The following SUSD3 variants were observed in gnomAD, a reference collection of about 807,000 sequenced individuals.
The protein encoded by SUSD3 is sushi domain-containing protein 3.
A neutral mutation model predicts 20.6 loss-of-function variants in SUSD3; 18 were observed. That is an observed-to-expected ratio of 0.87 (90% CI 0.60 to 1.30). The LOEUF (loss-of-function observed/expected upper bound fraction) is 1.30. Ranked by LOEUF, SUSD3 falls within the 50% of genes most tolerant of loss-of-function variation. SUSD3 has a pLI of 0.00. For missense variants in SUSD3, 306 were observed against 346.9 expected (o/e 0.88, Z 0.94); for synonymous variants, 137 against 141.5 (o/e 0.97, Z 0.23).
chr9:93,064,776 C>T (rs1462804236), intron 1 of SUSD3, among the ~76,000 whole-genome samples: 4 of 152,164 alleles, frequency 2.6e-5, no homozygotes, highest in Admixed American at 2.6e-4. Flanking sequence ...TCATCCAGTC[C>T]TCGCCCCACC....
intron 1 of SUSD3, among the ~76,000 whole-genome samples, chr9:93,059,164 TC>T (rs1163959717): frequency 6.6e-6 from 1 of 150,426 alleles, no homozygotes; most frequent in African/African-American, 2.4e-5. Flanking sequence ...TCCGCGCCCC[TC>T]CCGGGGAAGT....
At chr9:93,076,975 A>G (rs1468465255) in intron 2 of SUSD3, among the ~76,000 whole-genome samples, 1 of 152,250 alleles carries the variant, frequency 6.6e-6, no homozygotes, top group East Asian at 1.9e-4. Context: ...ATCACTTCTT[A>G]TCTTCCACTG....
chr9:93,070,886 A>G (rs184473695), intron 1 of SUSD3, among the ~76,000 whole-genome samples: 7 of 152,154 alleles, frequency 4.6e-5, no homozygotes, highest in Admixed American at 4.6e-4. Context: ...TCCTTCTATT[A>G]TTATTGTTGC....
intron 1 of SUSD3, among the ~76,000 whole-genome samples, chr9:93,068,495 C>T (rs1480122383): frequency 6.6e-6 from 1 of 152,118 alleles, no homozygotes; most frequent in Non-Finnish European, 1.5e-5. Flanking sequence ...AAGGGTTTAC[C>T]TCTGCACTCT....
intron 4 of SUSD3, among the ~76,000 whole-genome samples, chr9:93,081,809 T>A (rs1296783310): frequency 2.0e-5 from 3 of 152,218 alleles, no homozygotes; most frequent in Non-Finnish European, 2.9e-5. Flanking sequence ...GCCTCCAGGC[T>A]ATCATTCCTT....
chr9:93,075,750 C>CCCCCCCCCCCCCCCCCCCCCCCCT, intron 1 of SUSD3, 34 bp from the exon 2 acceptor site: 1 of 230,194 alleles, frequency 4.3e-6, no homozygotes, highest in Non-Finnish European at 8.4e-6. Flanking sequence ...ACCCCCCCCC[C>CCCCCCCCCCCCCCCCCCCCCCCCT]CCCGCCATGC....
At position 93,084,862 on chromosome 9, in the gene SUSD3, T is replaced by C; in HGVS notation, c.*115T>C. Reference sequence around the variant, plus strand: ...ATGCGCCCAGCTCGAGACTGATGAGTGGAATCAGCTTCCAGGTGTAGGGAC... The same window carrying C: ...ATGCGCCCAGCTCGAGACTGATGAGCGGAATCAGCTTCCAGGTGTAGGGAC... On this transcript the variant is annotated 3_prime_UTR_variant, in exon 5 of 5. Transcript: ENST00000375472. 1.0e-6 allele frequency: 1 copy of C among 975,756 alleles called. No homozygotes were observed. The highest frequency in any genetic ancestry group is 2.0e-5 in the South Asian group (1 of 49,484). The allele number at this position is 975,756 out of a possible 1,614,324, so 60.4% of individuals were successfully genotyped here.
chr9:93,079,709 A>G, intron 4 of SUSD3, 107 bp downstream of exon 4: 1 of 1,202,164 alleles, frequency 8.3e-7, no homozygotes, highest in Non-Finnish European at 1.2e-6. Flanking sequence ...CTGCTCCCAC[A>G]CGCCTAGCCC....
intron 4 of SUSD3, 28 bp from the exon 5 acceptor site, chr9:93,084,509 T>C (rs1314834399): frequency 6.5e-7 from 1 of 1,547,324 alleles, no homozygotes; most frequent in East Asian, 2.4e-5. Context: ...CACACTCTTT[T>C]GCCAACTCAT....
chr9:93,065,016 C>T (rs1443702553), intron 1 of SUSD3, among the ~76,000 whole-genome samples: 2 of 152,194 alleles, frequency 1.3e-5, no homozygotes, highest in African/African-American at 4.8e-5. Context: ...TAGGGATCAG[C>T]CCAGTGCCCA....
At chr9:93,082,905 G>A (rs899072759) in intron 4 of SUSD3, among the ~76,000 whole-genome samples, 2 of 152,228 alleles carry the variant, frequency 1.3e-5, no homozygotes, top group Non-Finnish European at 2.9e-5. Context: ...TGATGCCGAG[G>A]GGCTCCCAGG....
chr9:93,082,805 G>A (rs1826473809), intron 4 of SUSD3, among the ~76,000 whole-genome samples: 2 of 152,200 alleles, frequency 1.3e-5, no homozygotes, highest in Non-Finnish European at 2.9e-5. Flanking sequence ...AATGGGGGAA[G>A]GAACAATTGC....
rs2118974092 is a variant in SUSD3, at chr9:93,075,756, CATGCCTCATACCTGCCTGT to C, written c.89-27_89-9del. ...TGCGTGCCCACCCCCCCCCCCCCGC[CATGCCTCATACCTGCCTGT>C]CTCCCCAGGCACGTGCGCTAAGCTG... On this transcript the variant is annotated splice_polypyrimidine_tract_variant and intron_variant, in intron 1 of 4. Coordinates refer to ENST00000375472, the MANE Select transcript of SUSD3 (RefSeq NM_145006.4). 14 of 539,968 alleles carry C rather than the reference CATGCCTCATACCTGCCTGT, an allele frequency of 2.6e-5. No homozygotes were observed. The highest frequency in any genetic ancestry group is 6.8e-4 in the Middle Eastern group (1 of 1,476). 33.4% of individuals were successfully genotyped at this position (539,968 alleles called of 1,614,324 possible).
chr9:93,075,940 C>A lies in SUSD3; in HGVS notation c.245C>A (p.Ala82Asp). ...ACCTGCACCTGGAAGGGGAGCATCG[C>A]TGAGTGGTCTTCAGGGTCCCCAGTG... ...LLTCTWKGSI[A>D]EWSSGSPVCK... is the part of the protein sequence containing the mutation. Residue 82 changes from alanine (A) to aspartate (D), a missense_variant, in exon 2 of 5, where the codon GCT becomes GAT. Coordinates refer to ENST00000375472, the MANE Select transcript of SUSD3 (RefSeq NM_145006.4). The A allele has an allele frequency of 6.2e-7, 1 of 1,611,480 alleles. No homozygotes were observed. The highest frequency in any genetic ancestry group is 1.3e-5 in the African/African-American group (1 of 74,958).
chr9:93,064,881 G>C (rs1395024620), intron 1 of SUSD3, among the ~76,000 whole-genome samples: 1 of 152,198 alleles, frequency 6.6e-6, no homozygotes, highest in Admixed American at 6.5e-5. Flanking sequence ...TCAAACCCAG[G>C]TCCTCTGGCT....
Position 93,084,833 on chromosome 9 carries a change from C to A in SUSD3, c.*86C>A. On this transcript the variant is annotated 3_prime_UTR_variant, in exon 5 of 5. Coordinates refer to ENST00000375472, the MANE Select transcript of SUSD3 (RefSeq NM_145006.4). ...AGTCAGCTACAACTCCACATCAACT[C>A]CACATGCGCCCAGCTCGAGACTGAT... 5.8e-6 allele frequency: 7 copies of A among 1,202,560 alleles called. No individual in the cohort carries two copies. The highest frequency in any genetic ancestry group is 6.7e-6 in the Non-Finnish European group (6 of 891,754). 74.5% of individuals were successfully genotyped at this position (1,202,560 alleles called of 1,614,324 possible).
rs767334247 is a variant in SUSD3 at position 93,084,525 on chromosome 9, C to T, written c.558-12C>T. 6.4e-7 allele frequency: 1 copy of T among 1,567,798 alleles called. No homozygotes were observed. The highest frequency in any genetic ancestry group is 1.2e-5 in the South Asian group (1 of 84,888). On this transcript the variant is annotated splice_polypyrimidine_tract_variant and intron_variant, in intron 4 of 4. Transcript: ENST00000375472. ...ACACTCTTTTGCCAACTCATGCCTCCTCTCTCCACAGAGACCATGGTGAGA... is the reference window on the plus strand; with the variant it reads ...ACACTCTTTTGCCAACTCATGCCTCTTCTCTCCACAGAGACCATGGTGAGA...
At chr9:93,079,120 C>T (rs771577712) in intron 3 of SUSD3, among the ~76,000 whole-genome samples, 12 of 152,184 alleles carry the variant, frequency 7.9e-5, no homozygotes, top group Admixed American at 1.3e-4. Flanking sequence ...ACCTTTTTAA[C>T]GTCTACAGTT....
chr9:93,079,019 G>A (rs1250675791), intron 3 of SUSD3, among the ~76,000 whole-genome samples: 2 of 151,648 alleles, frequency 1.3e-5, no homozygotes, highest in Non-Finnish European at 2.9e-5. Context: ...AGCCAGGATG[G>A]TCTCGAGCTC....
Sources: gnomAD v4.1 joint callset for allele counts (sites outside exome capture counted in the v4.1 genomes callset) on GRCh38, gnomAD v4.1.1 for gene constraint, MANE v1.5 for transcripts, NCBI Gene and HGNC (gene_info 2026-07-23, HGNC 2026-07-21) for gene names.